The following HM13 variants were observed in gnomAD, a reference collection of about 807,000 sequenced individuals.
HM13 encodes histocompatibility minor 13.
A neutral mutation model predicts 50.0 loss-of-function variants in HM13; 18 were observed. The observed-to-expected ratio is 0.36, with a 90% confidence interval of 0.25 to 0.53. The LOEUF is 0.53. HM13 is among the 20% of genes least tolerant of loss of function. The pLI is 0.90. For synonymous variants in HM13, 197 were observed against 232.6 expected (o/e 0.85, Z 1.39); for missense variants, 393 against 552.4 (o/e 0.71, Z 2.89).
intron 9 of HM13, 42 bp downstream of exon 9, chr20:31,559,689 G>T (rs770102212): frequency 6.2e-7 from 1 of 1,605,674 alleles, no homozygotes; most frequent in Non-Finnish European, 8.5e-7. Context: ...CTTCTCCAGG[G>T]ATTCTCCAGT....
At chr20:31,561,333 A>C (rs1382765789) in intron 9 of HM13, among the ~76,000 whole-genome samples, 1 of 152,200 alleles carries the variant, frequency 6.6e-6, no homozygotes, top group Non-Finnish European at 1.5e-5. Context: ...TTTTATGCTG[A>C]CTAAAGTCTT....
At chr20:31,560,223 A>C (rs6059983) in intron 9 of HM13, among the ~76,000 whole-genome samples, 9 of 152,046 alleles carry the variant, frequency 5.9e-5, no homozygotes, top group Non-Finnish European at 1.2e-4. Flanking sequence ...GGTCTTATCC[A>C]AGTTAATGCA....
At chr20:31,531,768 C>A (rs919340194) in intron 2 of HM13, among the ~76,000 whole-genome samples, 4 of 152,202 alleles carry the variant, frequency 2.6e-5, no homozygotes, top group Non-Finnish European at 5.9e-5. Flanking sequence ...AGCAACCAGC[C>A]TGGGCAACAT....
chr20:31,530,508 T>A lies in HM13; in HGVS notation c.282+2926T>A, dbSNP rs369294587. On this transcript the variant is annotated intron_variant, in intron 2 of 12. Transcript: ENST00000398174. ...TCAATGCAACCTCCGCCTCCCTAGTTCAAGCGATTCTCCTGCCTCAGCCTC... is the reference window on the plus strand; with the variant it reads ...TCAATGCAACCTCCGCCTCCCTAGTACAAGCGATTCTCCTGCCTCAGCCTC... 6.4e-4 allele frequency among the ~76,000 whole-genome samples: 98 copies of A among 152,084 alleles called. 1 individual carries two copies. In the East Asian group the frequency reaches 7.0e-3, roughly 11 times the overall value.
At chr20:31,557,997 C>T (rs141040706) in intron 8 of HM13, among the ~76,000 whole-genome samples, 1,739 of 152,060 alleles carry the variant, frequency 0.011, 13 homozygotes, top group Non-Finnish European at 0.02. Flanking sequence ...CGTGAGCCAC[C>T]GCACCCGGCC....
In HM13 at chr20:31,559,666, G is replaced by C. The variant is rs747681441; in HGVS notation, c.845+19G>C. ...ACATCAGGTGAGTGAGTGAGGGCCT[G>C]CCCCAGCATGGGCTTCTCCAGGGAT... On this transcript the variant is annotated intron_variant, in intron 9 of 12. Coordinates refer to ENST00000398174, the MANE Select transcript of HM13 (RefSeq NM_178581.3). The C allele has an allele frequency of 1.2e-6, 2 of 1,613,568 alleles. No homozygotes were observed.
At chr20:31,525,641 G>A (rs1456205082) in intron 1 of HM13, among the ~76,000 whole-genome samples, 1 of 152,036 alleles carries the variant, frequency 6.6e-6, no homozygotes, top group African/African-American at 2.4e-5. Context: ...GGGCTTCGTG[G>A]CAGTGACATT....
intron 1 of HM13, 55 bp from the exon 2 acceptor site, chr20:31,527,429 C>A: frequency 8.0e-7 from 1 of 1,257,246 alleles, no homozygotes; most frequent in Non-Finnish European, 1.2e-6. Context: ...CAGAGCCTTG[C>A]AGGAACATAT....
intron 4 of HM13, chr20:31,547,677 T>C: frequency 6.9e-7 from 1 of 1,459,212 alleles, no homozygotes; most frequent in Non-Finnish European, 9.4e-7. Context: ...GCCACGAACA[T>C]ACAGAAATCC....
chr20:31,546,440 A>C (rs1476516354), intron 4 of HM13, among the ~76,000 whole-genome samples: 2 of 151,714 alleles, frequency 1.3e-5, no homozygotes, highest in African/African-American at 2.4e-5. Flanking sequence ...CTGTTAAACA[A>C]TTGTTGATTT....
At chr20:31,538,495 A>T (rs1430210952) in intron 3 of HM13, 1 of 1,405,010 alleles carries the variant, frequency 7.1e-7, no homozygotes, top group African/African-American at 1.4e-5. Flanking sequence ...TTCCACCACC[A>T]CAGCTGTTGG....
At chr20:31,566,729 G>T (rs1458422365) in intron 11 of HM13, among the ~76,000 whole-genome samples, 1 of 152,044 alleles carries the variant, frequency 6.6e-6, no homozygotes, top group Non-Finnish European at 1.5e-5. Flanking sequence ...CGAGTAGAAG[G>T]CAGGTGTCAG....
intron 3 of HM13, among the ~76,000 whole-genome samples, chr20:31,542,616 G>A (rs1385643689): frequency 6.6e-6 from 1 of 152,212 alleles, no homozygotes; most frequent in Non-Finnish European, 1.5e-5. Context: ...TGAAGATGAT[G>A]AGACGGGGCC....
At chr20:31,549,870 C>T (rs1414939366) in intron 6 of HM13, among the ~76,000 whole-genome samples, 194 bp from the exon 7 acceptor site, 1 of 152,148 alleles carries the variant, frequency 6.6e-6, no homozygotes, top group Non-Finnish European at 1.5e-5. Context: ...CTTTTCTATA[C>T]TCCCTCGAAT....
chr20:31,566,630 C>T (rs1984930922), intron 11 of HM13, among the ~76,000 whole-genome samples: 1 of 152,146 alleles, frequency 6.6e-6, no homozygotes, highest in Non-Finnish European at 1.5e-5. Context: ...TGACTTCAGG[C>T]ATGTCTTCCC....
intron 2 of HM13, among the ~76,000 whole-genome samples, chr20:31,533,008 CT>C (rs1052891550): frequency 6.6e-6 from 1 of 152,230 alleles, no homozygotes; most frequent in African/African-American, 2.4e-5. Flanking sequence ...TACCCCATGC[CT>C]CTAGAGTGTC....
chr20:31,544,179 A>G (rs1417659824), intron 3 of HM13, among the ~76,000 whole-genome samples: 1 of 152,240 alleles, frequency 6.6e-6, no homozygotes, highest in Non-Finnish European at 1.5e-5. Flanking sequence ...AGCAGGCCTC[A>G]GTGCTGGGCC....
At chr20:31,547,542 C>T in intron 4 of HM13, 1 of 897,384 alleles carries the variant, frequency 1.1e-6, no homozygotes, top group South Asian at 1.5e-5. Context: ...GTGTGTCCAA[C>T]TGCATCCAGT....
At chr20:31,522,270 C>G (rs1982210336) in intron 1 of HM13, among the ~76,000 whole-genome samples, 1 of 152,056 alleles carries the variant, frequency 6.6e-6, no homozygotes, top group Admixed American at 6.6e-5. Flanking sequence ...GTACACAAAG[C>G]ACACTCCTCA....
Sources: allele counts gnomAD v4.1 joint callset (sites outside exome capture counted in the v4.1 genomes callset), GRCh38; gene constraint gnomAD v4.1.1; transcripts MANE v1.5; gene names NCBI Gene and HGNC (gene_info 2026-07-23, HGNC 2026-07-21).